ERICH1: variants seen among roughly 807,000 people sequenced by gnomAD.
ERICH1 encodes glutamate-rich protein 1.
Under a neutral mutation model 39.6 loss-of-function variants are expected in ERICH1, and 56 were observed. The observed-to-expected ratio is 1.41, with a 90% CI of 1.14 to 1.77. ERICH1 has a LOEUF of 1.77. ERICH1 is among the 40% of genes most tolerant of loss of function. ERICH1 has a pLI of 0.00. For missense variants in ERICH1, 826 were observed against 575.4 expected (o/e 1.44, Z -4.45); for synonymous variants, 313 against 223.6 (o/e 1.40, Z -3.57).
chr8:694,328 C>T (rs541681213), intron 2 of ERICH1, among the ~76,000 whole-genome samples: 1 of 152,352 alleles, frequency 6.6e-6, no homozygotes, highest in Middle Eastern at 3.4e-3. Flanking sequence ...CTGTCCCCTA[C>T]TGGGTAAATC....
intron 3 of ERICH1, among the ~76,000 whole-genome samples, chr8:688,863 A>AT (rs1808267623): frequency 1.3e-5 from 2 of 152,160 alleles, no homozygotes; most frequent in Admixed American, 1.3e-4. Context: ...AGAACAAAAT[A>AT]TTTTTCTAGC....
At chr8:713,718 G>A (rs906037259) in intron 2 of ERICH1, among the ~76,000 whole-genome samples, 5 of 152,168 alleles carry the variant, frequency 3.3e-5, no homozygotes, top group African/African-American at 4.8e-5. Context: ...GTGGGATGAC[G>A]AGGACCTGCC....
chr8:691,125 A>G (rs1015230032), intron 3 of ERICH1: 1 of 151,908 alleles, frequency 6.6e-6, no homozygotes, highest in African/African-American at 2.4e-5. Context: ...AAGGTAGGAA[A>G]CACAATTAGA....
At chr8:683,714 T>C (rs527377178) in intron 3 of ERICH1, among the ~76,000 whole-genome samples, 1 of 152,302 alleles carries the variant, frequency 6.6e-6, no homozygotes, top group Non-Finnish European at 1.5e-5. Flanking sequence ...AACACAACAA[T>C]CTAGATGCTA....
chr8:712,550 C>T (rs996581838), intron 2 of ERICH1, among the ~76,000 whole-genome samples: 1 of 152,184 alleles, frequency 6.6e-6, no homozygotes, highest in African/African-American at 2.4e-5. Context: ...CTGCCTCAGC[C>T]TCTCGAGTAG....
intron 2 of ERICH1, among the ~76,000 whole-genome samples, chr8:714,690 C>T: frequency 5.1e-5 from 1 of 19,756 alleles, no homozygotes; most frequent in African/African-American, 2.0e-4. Flanking sequence ...ACCCAGGCGG[C>T]CTCTTCCGGC....
chr8:624,738 A>G (rs1194987256), intron 3 of ERICH1, among the ~76,000 whole-genome samples: 1 of 150,516 alleles, frequency 6.6e-6, no homozygotes, highest in Non-Finnish European at 1.5e-5. Flanking sequence ...TTTTATTTTT[A>G]TTTTGTTTGA....
chr8:658,597 G>A (rs754223452), intron 3 of ERICH1, among the ~76,000 whole-genome samples: 2 of 152,126 alleles, frequency 1.3e-5, no homozygotes, highest in Admixed American at 6.5e-5. Flanking sequence ...CCTGGCCCCC[G>A]ATGTGGCTGC....
chr8:704,097 G>C (rs1812743747), intron 2 of ERICH1, among the ~76,000 whole-genome samples: 1 of 152,160 alleles, frequency 6.6e-6, no homozygotes, highest in African/African-American at 2.4e-5. Flanking sequence ...CAGTGTGAAA[G>C]ACAGTTATTA....
At chr8:716,801 G>T (rs1816108174) in intron 1 of ERICH1, among the ~76,000 whole-genome samples, 1 of 152,128 alleles carries the variant, frequency 6.6e-6, no homozygotes, top group Non-Finnish European at 1.5e-5. Flanking sequence ...CTGGAGGCGT[G>T]CAGGGATCTG....
chr8:674,937 T>A (rs544781391), intron 3 of ERICH1, among the ~76,000 whole-genome samples: 3 of 152,184 alleles, frequency 2.0e-5, no homozygotes, highest in Non-Finnish European at 4.4e-5. Context: ...GTGTAAATAT[T>A]TCCCCCGTGG....
At chr8:656,034 G>A (rs1800621170) in intron 3 of ERICH1, among the ~76,000 whole-genome samples, 1 of 152,086 alleles carries the variant, frequency 6.6e-6, no homozygotes, top group South Asian at 2.1e-4. Context: ...TGTGCCTGCA[G>A]ACTCATGGCC....
intron 3 of ERICH1, among the ~76,000 whole-genome samples, chr8:627,786 C>G (rs182985835): frequency 1.3e-5 from 2 of 152,320 alleles, no homozygotes; most frequent in East Asian, 3.9e-4. Flanking sequence ...CTTGGAGAAG[C>G]CTCCATCCAA....
At chr8:621,817 A>G (rs11992175) in intron 3 of ERICH1, among the ~76,000 whole-genome samples, 2,175 of 152,338 alleles carry the variant, frequency 0.014, 55 homozygotes, top group African/African-American at 0.048. Flanking sequence ...AATATCAACA[A>G]TTATGAGCCA....
At chr8:619,284 G>C (rs984639905) in intron 3 of ERICH1, among the ~76,000 whole-genome samples, 5 of 152,130 alleles carry the variant, frequency 3.3e-5, no homozygotes, top group African/African-American at 4.8e-5. Context: ...GCCCCGGTGA[G>C]ACCCACCGCG....
In ERICH1 at chr8:701,107, C is replaced by T. The variant is rs371526448; in HGVS notation, c.170-8495G>A. On this transcript the variant is annotated intron_variant, in intron 2 of 5. Coordinates refer to ENST00000262109, the MANE Select transcript of ERICH1 (RefSeq NM_207332.3). ...TGCTGCAACTTGACCTGATTTTAAA[C>T]ACACATGGCCAAGGGCCAAGAAGAA... is the stretch of plus-strand genomic sequence containing the variant. 4.8e-4 allele frequency among the ~76,000 whole-genome samples: 32 copies of T among 66,002 alleles called. 1 individual carries two copies. In the South Asian group the frequency reaches 0.012, roughly 24 times the overall value. The allele number at this position is 66,002 out of a possible 152,430, so 43.3% of individuals were successfully genotyped here. A position where few individuals can be genotyped will look rare whatever the true frequency, so the allele number is the denominator to read the frequency against.
intron 3 of ERICH1, among the ~76,000 whole-genome samples, chr8:653,425 C>T (rs557825641): frequency 9.8e-5 from 15 of 152,290 alleles, no homozygotes; most frequent in East Asian, 9.6e-4. Flanking sequence ...CGTAGACTGC[C>T]GAGTGTTCAA....
At chr8:671,506 T>C (rs1311612555) in intron 4 of ERICH1, among the ~76,000 whole-genome samples, 8 of 124,916 alleles carry the variant, frequency 6.4e-5, no homozygotes, top group African/African-American at 9.2e-5. Context: ...CTAATGTCTG[T>C]GCTCACTGGG....
chr8:655,654 C>A lies in ERICH1; in HGVS notation c.976+12944G>T, dbSNP rs565588477. On this transcript the variant is annotated intron_variant, in intron 3 of 3. Transcript: ENST00000522706. ...ACTCCTTATCTGTATTCATTCTGTC[C>A]TCTGCATTCCTTCCTTCCTTCCTTC... is the stretch of plus-strand genomic sequence containing the variant. 1.0e-4 allele frequency among the ~76,000 whole-genome samples: 14 copies of A among 137,842 alleles called. 1 individual carries two copies. In the South Asian group the frequency reaches 3.6e-3, roughly 35 times the overall value. 90.4% of individuals were successfully genotyped at this position (137,842 alleles called of 152,430 possible). A position where few individuals can be genotyped will look rare whatever the true frequency, so the allele number is the denominator to read the frequency against.
Sources: allele counts gnomAD v4.1 joint callset (sites outside exome capture counted in the v4.1 genomes callset), GRCh38; gene constraint gnomAD v4.1.1; transcripts MANE v1.5; gene names NCBI Gene and HGNC (gene_info 2026-07-23, HGNC 2026-07-21).